The following TNRC6B variants were observed in gnomAD, a reference collection of about 807,000 sequenced individuals.
TNRC6B encodes the protein trinucleotide repeat-containing gene 6B protein.
In TNRC6B, 52 loss-of-function variants were observed where a neutral mutation model predicts 203.6. The ratio of observed to expected loss-of-function variants is 0.26; its 90% CI spans 0.20 to 0.32. The LOEUF is 0.32. Ranked by LOEUF, TNRC6B falls within the 10% of genes least tolerant of loss-of-function variation. The pLI is 1.00. For synonymous variants in TNRC6B, 838 were observed against 845.7 expected (o/e 0.99, Z 0.16); for missense variants, 1,923 against 2,286.2 (o/e 0.84, Z 3.24).
At chr22:40,046,743 C>T (rs1338674896) in intron 1 of TNRC6B, among the ~76,000 whole-genome samples, 1 of 149,484 alleles carries the variant, frequency 6.7e-6, no homozygotes, top group African/African-American at 2.5e-5. Flanking sequence ...CTCCCGGGTT[C>T]ACACCATTCT....
chr22:40,223,747 C>T (rs997581332), intron 1 of TNRC6B, among the ~76,000 whole-genome samples: 3 of 152,270 alleles, frequency 2.0e-5, no homozygotes, highest in Non-Finnish European at 2.9e-5. Context: ...ATATAATTTG[C>T]CACATGTGTA....
Position 40,143,663 on chromosome 22 carries a change from A to T in TNRC6B, c.46-12452A>T, listed in dbSNP as rs569782675. ...AGGCGCCCACCACCACGCCCCGCTA[A>T]TTTTTTGTATTTTTAGTAGAGACAG... On this transcript the variant is annotated intron_variant, in intron 3 of 23. Coordinates refer to the TNRC6B transcript ENST00000301923. 1.6e-3 allele frequency among the ~76,000 whole-genome samples: 238 copies of T among 152,016 alleles called. 3 individuals carry two copies. The highest frequency in any genetic ancestry group is 5.5e-3 in the African/African-American group (228 of 41,470).
At chr22:40,206,527 A>G (rs957373865) in intron 1 of TNRC6B, among the ~76,000 whole-genome samples, 2 of 152,248 alleles carry the variant, frequency 1.3e-5, no homozygotes, top group Non-Finnish European at 2.9e-5. Context: ...GAATTGGTAT[A>G]TAAATTCAAA....
chr22:40,235,848 T>C (rs1276627791), intron 1 of TNRC6B, among the ~76,000 whole-genome samples: 1 of 152,220 alleles, frequency 6.6e-6, no homozygotes, highest in Non-Finnish European at 1.5e-5. Context: ...CTAAATGATT[T>C]CTCAAATTCC....
chr22:40,272,426 G>T (rs1406022161), intron 6 of TNRC6B, among the ~76,000 whole-genome samples: 1 of 152,124 alleles, frequency 6.6e-6, no homozygotes, highest in East Asian at 1.9e-4. Context: ...TCAAGGAAAG[G>T]CCTGGAAGAG....
chr22:40,112,703 C>T (rs1461930583), intron 1 of TNRC6B, among the ~76,000 whole-genome samples: 1 of 152,126 alleles, frequency 6.6e-6, no homozygotes, highest in Non-Finnish European at 1.5e-5. Context: ...AAAGGAAGAA[C>T]AGTTGAATAG....
At chr22:40,154,877 A>ATATG (rs2068804523) in intron 3 of TNRC6B, among the ~76,000 whole-genome samples, 2 of 56,274 alleles carry the variant, frequency 3.6e-5, no homozygotes, top group South Asian at 5.7e-4. Context: ...ATATATATAT[A>ATATG]TATATATATA....
chr22:40,127,936 G>A (rs2068508586), intron 3 of TNRC6B, among the ~76,000 whole-genome samples: 1 of 152,196 alleles, frequency 6.6e-6, no homozygotes, highest in African/African-American at 2.4e-5. Context: ...GTATAATTGG[G>A]AGATTGCTTG....
chr22:40,085,355 A>C (rs528537575), intron 1 of TNRC6B, among the ~76,000 whole-genome samples: 1 of 152,350 alleles, frequency 6.6e-6, no homozygotes, highest in East Asian at 1.9e-4. Flanking sequence ...GAGACTTTAA[A>C]AATTTGTTTT....
At chr22:40,119,082 C>T (rs2068419131) in intron 2 of TNRC6B, among the ~76,000 whole-genome samples, 1 of 152,168 alleles carries the variant, frequency 6.6e-6, no homozygotes, top group Non-Finnish European at 1.5e-5. Context: ...TCCTGGAGGG[C>T]TCTTGAAAAT....
intron 2 of TNRC6B, among the ~76,000 whole-genome samples, chr22:40,248,837 C>T (rs779248653): frequency 8.5e-5 from 13 of 152,334 alleles, no homozygotes; most frequent in South Asian, 2.1e-4. Flanking sequence ...TCTAGGCTGA[C>T]GCAGGCTGAT....
intron 1 of TNRC6B, among the ~76,000 whole-genome samples, chr22:40,193,714 T>C (rs1035435765): frequency 7.2e-5 from 11 of 151,882 alleles, no homozygotes; most frequent in Non-Finnish European, 1.2e-4. Context: ...GAAAAGTAAA[T>C]ATGGAAATGG....
intron 7 of TNRC6B, among the ~76,000 whole-genome samples, chr22:40,275,047 A>G (rs1029361893): frequency 6.6e-6 from 1 of 152,178 alleles, no homozygotes; most frequent in African/African-American, 2.4e-5. Context: ...CCCATGTCTG[A>G]GGATTGGGCC....
At chr22:40,166,460 T>C (rs1399134452) in intron 4 of TNRC6B, among the ~76,000 whole-genome samples, 1 of 152,042 alleles carries the variant, frequency 6.6e-6, no homozygotes, top group Non-Finnish European at 1.5e-5. Context: ...CTATACTCTT[T>C]GATCATCCCT....
At chr22:40,128,082 A>G (rs1488346993) in intron 3 of TNRC6B, among the ~76,000 whole-genome samples, 1 of 152,238 alleles carries the variant, frequency 6.6e-6, no homozygotes, top group South Asian at 2.1e-4. Flanking sequence ...AGAATGAATT[A>G]GACTCAAGAA....
At chr22:40,216,105 C>T (rs1028363574) in intron 1 of TNRC6B, among the ~76,000 whole-genome samples, 1 of 152,258 alleles carries the variant, frequency 6.6e-6, no homozygotes. Context: ...AGCTCCTCAA[C>T]AGCCACATTG....
In TNRC6B at chr22:40,266,353, A is replaced by G. The variant is rs1008192418; in HGVS notation, c.2123A>G (p.Asn708Ser). The change falls in exon 5 of 23, where the codon AAC (asparagine) becomes AGC (serine). Residue 708 changes from asparagine (N) to serine (S), a missense_variant. By Grantham distance (46) the Asn-to-Ser change is conservative (BLOSUM62 1). Transcript: ENST00000454349. ...WNDYKNNNSS[N>S]WGGGRPDEKT... ...GACTACAAGAACAACAACTCTTCCA[A>G]CTGGGGAGGAGGACGACCTGATGAA... 3 of 1,610,628 alleles carry G rather than the reference A, an allele frequency of 1.9e-6. No homozygotes were observed. The highest frequency in any genetic ancestry group is 1.3e-5 in the African/African-American group (1 of 74,874).
At chr22:40,097,252 A>G (rs1434598053) in intron 1 of TNRC6B, among the ~76,000 whole-genome samples, 1 of 152,140 alleles carries the variant, frequency 6.6e-6, no homozygotes, top group African/African-American at 2.4e-5. Flanking sequence ...TGAAGTAGAA[A>G]ATGGAAAATT....
chr22:40,056,409 A>G (rs1414020162), intron 1 of TNRC6B, among the ~76,000 whole-genome samples: 2 of 152,244 alleles, frequency 1.3e-5, no homozygotes, highest in African/African-American at 4.8e-5. Flanking sequence ...AATGGTAGTA[A>G]TGAATGCAGT....
Sources: gnomAD v4.1 joint callset for allele counts (sites outside exome capture counted in the v4.1 genomes callset) on GRCh38, gnomAD v4.1.1 for gene constraint, MANE v1.5 for transcripts, NCBI Gene and HGNC (gene_info 2026-07-23, HGNC 2026-07-21) for gene names.